Variants in AGXT2 observed in about 807,000 individuals in gnomAD.
AGXT2 encodes alanine--glyoxylate aminotransferase 2, mitochondrial.
Under a neutral mutation model 62.5 loss-of-function variants are expected in AGXT2, and 61 were observed. The ratio of observed to expected loss-of-function variants is 0.98; its 90% CI spans 0.79 to 1.21. The LOEUF is 1.21. Among genes scored for constraint, AGXT2 ranks in the 50% most tolerant of loss-of-function variants. AGXT2 has a pLI of 0.00. For missense variants in AGXT2, 666 were observed against 641.5 expected (o/e 1.04, Z -0.41); for synonymous variants, 243 against 218.7 (o/e 1.11, Z -0.98).
chr5:35,040,483 G>A, intron 2 of AGXT2, 92 bp downstream of exon 2: 1 of 1,198,290 alleles, frequency 8.3e-7, no homozygotes, highest in East Asian at 2.3e-5. Flanking sequence ...TGGCAAGCAG[G>A]GCTATTTTTG....
At chr5:35,000,277 T>G (rs1766179524) in intron 13 of AGXT2, among the ~76,000 whole-genome samples, 2 of 152,172 alleles carry the variant, frequency 1.3e-5, no homozygotes, top group African/African-American at 4.8e-5. Context: ...TGTCTCTTTC[T>G]TCCATGACTT....
At chr5:35,024,900 G>A (rs1035653331) in intron 9 of AGXT2, among the ~76,000 whole-genome samples, 3 of 152,030 alleles carry the variant, frequency 2.0e-5, no homozygotes, top group Non-Finnish European at 4.4e-5. Context: ...AACCTGGGAG[G>A]CAGAGGCTGT....
intron 1 of AGXT2, among the ~76,000 whole-genome samples, chr5:35,041,286 C>G (rs1260191799): frequency 7.2e-6 from 1 of 139,124 alleles, no homozygotes; most frequent in South Asian, 2.3e-4. Context: ...TAAGCTGAAC[C>G]AGATTCATTA....
At chr5:35,029,812 A>C (rs545519710) in intron 7 of AGXT2, among the ~76,000 whole-genome samples, 1 of 152,332 alleles carries the variant, frequency 6.6e-6, no homozygotes, top group Admixed American at 6.5e-5. Flanking sequence ...CAGGGCCTGG[A>C]ATGAACCCCT....
intron 13 of AGXT2, 113 bp from the exon 14 acceptor site, chr5:34,998,939 TTCTC>T (rs1189954480): frequency 3.7e-6 from 3 of 820,280 alleles, no homozygotes. Flanking sequence ...TTTCTCATGT[TTCTC>T]TCAGTTTGGT....
chr5:35,034,393 A>T (rs186936), intron 5 of AGXT2, among the ~76,000 whole-genome samples: 142,606 of 152,244 alleles, frequency 0.94, 67,282 homozygotes, highest in Non-Finnish European at 1. Flanking sequence ...CTGTAATAAC[A>T]GCATGCTCAT....
Position 35,024,802 on chromosome 5 carries a change from T to G in AGXT2, c.963+961A>C, listed in dbSNP as rs201424922. 3.9e-5 allele frequency among the ~76,000 whole-genome samples: 6 copies of G among 151,986 alleles called. No individual in the cohort carries two copies. In the East Asian group the frequency reaches 9.7e-4, roughly 25 times the overall value. On this transcript the variant is annotated intron_variant, in intron 9 of 13. Transcript: ENST00000231420. ...TGACCAACACGGAGAAACCCCAGTC[T>G]CTACTAAAAAATACAAAACTAGCCG...
At chr5:35,012,103 G>T (rs1766666024) in intron 11 of AGXT2, among the ~76,000 whole-genome samples, 1 of 152,052 alleles carries the variant, frequency 6.6e-6, no homozygotes. Flanking sequence ...AGGGGGGTGA[G>T]GGATGGAAAA....
At chr5:35,039,233 G>A (rs909295371) in intron 3 of AGXT2, 91 bp downstream of exon 3, 40 of 1,425,950 alleles carry the variant, frequency 2.8e-5, no homozygotes, top group Non-Finnish European at 3.5e-5. Flanking sequence ...TTTAAACCAA[G>A]ATAAGCAAAT....
chr5:35,047,678 A>T, intron 1 of AGXT2, 127 bp downstream of exon 1: 4 of 1,236,340 alleles, frequency 3.2e-6, no homozygotes, highest in Non-Finnish European at 4.4e-6. Flanking sequence ...TGTGTCAAAA[A>T]CATGCCTCAT....
rs77088572 is a variant in AGXT2, at chr5:35,013,971, T to G, written c.1096+16A>C. 36,444 of 1,613,806 alleles carry G rather than the reference T, an allele frequency of 0.023. 523 individuals are homozygous for G. The highest frequency in any genetic ancestry group is 0.027 in the Non-Finnish European group (32,129 of 1,179,840). ...ACGAGGCCCAGAAGCAAACACAAAC[T>G]GCCTGTGGGTCCTACCTGGAGTGGT... On this transcript the variant is annotated intron_variant, in intron 10 of 13. Coordinates refer to ENST00000231420, the MANE Select transcript of AGXT2 (RefSeq NM_031900.4).
intron 13 of AGXT2, among the ~76,000 whole-genome samples, chr5:35,000,690 C>T (rs7717823): frequency 0.3 from 45,793 of 152,120 alleles, 7,773 homozygotes; most frequent in Non-Finnish European, 0.39. Flanking sequence ...CTCTCCTGCC[C>T]GTTAAAAGTC....
At position 35,010,054 on chromosome 5, in the gene AGXT2, A is replaced by G; in HGVS notation, c.1284T>C (p.Val428=). ...FAKLRDEFEI[V]GDVRGKGLMI... ...TGAGACCTTTGCCTCGGACGTCTCC[A>G]ACAATTTCAAATTCATCCCGCAGCT... is the stretch of plus-strand genomic sequence containing the variant. Residue 428 remains valine, a synonymous_variant, in exon 12 of 14, where the codon GTT becomes GTC. Transcript: ENST00000231420. The G allele has an allele frequency of 6.2e-7, 1 of 1,614,236 alleles. No individual in the cohort carries two copies.
chr5:35,012,990 G>A lies in AGXT2; in HGVS notation c.1152C>T (p.Asn384=). The change falls in exon 11 of 14, where the codon AAC becomes AAT. Residue 384 remains asparagine (N), a synonymous_variant. Coordinates refer to ENST00000231420, the MANE Select transcript of AGXT2 (RefSeq NM_031900.4). Reference sequence around the variant, plus strand: ...CAGATCCAATGGCACAGGCCATGGGGTTCCCTCCAAAGGTGTTGAAGTGCT... The same window carrying A: ...CAGATCCAATGGCACAGGCCATGGGATTCCCTCCAAAGGTGTTGAAGTGCT... ...CLQHFNTFGG[N]PMACAIGSAV... 3 of 1,551,736 alleles carry A rather than the reference G, an allele frequency of 1.9e-6. No individual in the cohort carries two copies. The highest frequency in any genetic ancestry group is 2.6e-6 in the Non-Finnish European group (3 of 1,147,006).
chr5:35,002,619 G>T (rs1766271095), intron 13 of AGXT2, among the ~76,000 whole-genome samples: 1 of 152,194 alleles, frequency 6.6e-6, no homozygotes, highest in South Asian at 2.1e-4. Flanking sequence ...TGCAATGTGA[G>T]GTCACAGCAG....
At position 35,004,081 on chromosome 5, in the gene AGXT2, TC is replaced by T. The variant is rs1308137480; in HGVS notation, c.1339-221del. ...TGTTATTTAAAATGTTTGTTTCTAA[TC>T]CGAATTCATCCCAAATTCCCAAAAG... On this transcript the variant is annotated intron_variant, in intron 12 of 13. Coordinates refer to ENST00000231420, the MANE Select transcript of AGXT2 (RefSeq NM_031900.4). Among the ~76,000 whole-genome samples the T allele has an allele frequency of 3.7e-4, 56 of 152,330 alleles. 1 individual carries two copies. The highest frequency in any genetic ancestry group is 1.3e-3 in the African/African-American group (55 of 41,572).
At chr5:35,015,508 G>A (rs571970813) in intron 9 of AGXT2, among the ~76,000 whole-genome samples, 54 of 152,186 alleles carry the variant, frequency 3.5e-4, no homozygotes, top group Middle Eastern at 3.4e-3. Flanking sequence ...GCAAAATGGG[G>A]GTTAGGGATG....
chr5:35,017,729 C>CT (rs1340608255), intron 9 of AGXT2, among the ~76,000 whole-genome samples: 1 of 152,210 alleles, frequency 6.6e-6, no homozygotes, highest in Non-Finnish European at 1.5e-5. Context: ...CGGAGAATGA[C>CT]TTTGACGAGT....
Position 35,013,004 on chromosome 5 carries a change from T to A in AGXT2, c.1138A>T (p.Thr380Ser), listed in dbSNP as rs554599418. ...CAGGCCATGGGGTTCCCTCCAAAGG[T>A]GTTGAAGTGCTGCAGGCATTTCGCC... The part of the protein sequence containing the change: ...SLAKCLQHFN[T>S]FGGNPMACAI... Residue 380 changes from threonine to serine, a missense_variant, in exon 11 of 14, where the codon ACC (threonine) becomes TCC (serine). By Grantham distance (58) the Thr-to-Ser change is moderately conservative (BLOSUM62 1). Transcript: ENST00000231420. 6.4e-7 allele frequency: 1 copy of A among 1,551,678 alleles called. No homozygotes were observed. Among genetic ancestry groups the A allele is most frequent in the East Asian group, 2.4e-5 (1 of 40,918 alleles).
Sources: gnomAD v4.1 joint callset for allele counts (sites outside exome capture counted in the v4.1 genomes callset) on GRCh38, gnomAD v4.1.1 for gene constraint, MANE v1.5 for transcripts, NCBI Gene and HGNC (gene_info 2026-07-23, HGNC 2026-07-21) for gene names.